The following C9orf72 variants were observed in gnomAD, a reference collection of about 807,000 sequenced individuals.
The protein encoded by C9orf72 is guanine nucleotide exchange factor C9orf72.
Under a neutral mutation model 51.6 loss-of-function variants are expected in C9orf72, and 44 were observed. That is an observed-to-expected ratio of 0.85 (90% CI 0.67 to 1.10). C9orf72 has a LOEUF of 1.10. Among genes scored for constraint, C9orf72 ranks in the 50% least tolerant of loss-of-function variants. The pLI, the probability that C9orf72 is intolerant of heterozygous loss-of-function variation, is 0.00. For missense variants in C9orf72, 607 were observed against 570.6 expected, an observed-to-expected ratio of 1.06 and a Z score of -0.65; for synonymous variants, 213 against 194.2, an observed-to-expected ratio of 1.10 and a Z score of -0.81.
Position 27,567,107 on chromosome 9 carries a change from CAA to C in C9orf72, c.12_13del (p.Cys5ProfsTer35). The C allele has an allele frequency of 1.2e-6, 2 of 1,612,938 alleles. No homozygotes were observed. Among genetic ancestry groups the C allele is most frequent in the South Asian group, 1.1e-5 (1 of 91,068 alleles). On this transcript the variant is annotated frameshift_variant, in exon 2 of 11. Transcript: ENST00000380003. LOFTEE classifies it high-confidence loss of function. ...GGCAACAGCTGGAGATGGCGGTGGGCAAAGAGTCGACATCACTGCATTCCAAC... is the reference window on the plus strand; with the variant it reads ...GGCAACAGCTGGAGATGGCGGTGGGCAGAGTCGACATCACTGCATTCCAAC...
upstream of C9orf72, chr9:27,573,491 C>T (rs1344115229): frequency 6.9e-6 from 1 of 145,352 alleles, no homozygotes; most frequent in East Asian, 2.0e-4. Context: ...CGCAGCCCCG[C>T]CCCGGGCCCG....
At chr9:27,572,077 G>T (rs1819598426) in intron 1 of C9orf72, among the ~76,000 whole-genome samples, 2 of 152,134 alleles carry the variant, frequency 1.3e-5, no homozygotes, top group Admixed American at 6.5e-5. Context: ...AGTCCTCCTT[G>T]GTTTACTTTG....
rs1819351615 is a variant in C9orf72, at chr9:27,561,625, CATCATT to C, written c.619_624del (p.Asn207_Asp208del). On this transcript the variant is annotated inframe_deletion, in exon 5 of 11. Transcript: ENST00000380003. ...TCATGACAGCTGTCACCAATATCAT[CATCATT>C]GAGTACTGTATCAGCTATCTAAAAT... is the stretch of plus-strand genomic sequence containing the variant. The C allele has an allele frequency of 6.2e-7, 1 of 1,609,750 alleles. No homozygotes were observed. Among genetic ancestry groups the C allele is most frequent in the East Asian group, 2.2e-5 (1 of 44,710 alleles).
chr9:27,566,657 T>G lies in C9orf72; in HGVS notation c.444+20A>C. ...TCAACAGATAGGTTAACATGATTAATAAGCTGAAAAATCACTTACCTTATG... is the reference window on the plus strand; with the variant it reads ...TCAACAGATAGGTTAACATGATTAAGAAGCTGAAAAATCACTTACCTTATG... On this transcript the variant is annotated intron_variant, in intron 2 of 10. Coordinates refer to ENST00000380003, the MANE Select transcript of C9orf72 (RefSeq NM_018325.5). The G allele has an allele frequency of 6.5e-7, 1 of 1,531,374 alleles. No homozygotes were observed. Among genetic ancestry groups the G allele is most frequent in the Non-Finnish European group, 8.9e-7 (1 of 1,127,740 alleles). The allele number at this position is 1,531,374 out of a possible 1,614,324, so 94.9% of individuals were successfully genotyped here. A position where few individuals can be genotyped will look rare whatever the true frequency, so the allele number is the denominator to read the frequency against.
chr9:27,568,151 C>G (rs1482408079), intron 1 of C9orf72, among the ~76,000 whole-genome samples: 1 of 142,798 alleles, frequency 7.0e-6, no homozygotes, highest in Non-Finnish European at 1.5e-5. Context: ...AAAAAATGGG[C>G]AAACAGTCCT....
At chr9:27,570,871 G>GA (rs1462066823) in intron 1 of C9orf72, among the ~76,000 whole-genome samples, 2 of 141,764 alleles carry the variant, frequency 1.4e-5, no homozygotes, top group African/African-American at 5.3e-5. Flanking sequence ...TCTGCCTCAA[G>GA]AAAAAAACAA....
At chr9:27,561,684 G>C in intron 4 of C9orf72, 35 bp from the exon 5 acceptor site, 1 of 1,345,048 alleles carries the variant, frequency 7.4e-7, no homozygotes, top group Non-Finnish European at 1.1e-6. Flanking sequence ...AATTAGTCTG[G>C]CTGTAACATA....
Position 27,570,571 on chromosome 9 carries a change from G to GA in C9orf72, c.-45+2859dup, listed in dbSNP as rs1040123831. On this transcript the variant is annotated intron_variant, in intron 1 of 10. Coordinates refer to ENST00000380003, the MANE Select transcript of C9orf72 (RefSeq NM_018325.5). ...TACACTCTCACTCCTAACAGAATAA[G>GA]AAAAAAAAAATGGGCCGGGCATGGT... Among the ~76,000 whole-genome samples, 113 of 148,994 alleles carry GA rather than the reference G, an allele frequency of 7.6e-4. 1 individual carries two copies. The highest frequency in any genetic ancestry group is 2.2e-3 in the African/African-American group (88 of 40,716).
At chr9:27,567,924 A>G (rs1035028247) in intron 1 of C9orf72, among the ~76,000 whole-genome samples, 3 of 152,138 alleles carry the variant, frequency 2.0e-5, no homozygotes, top group Non-Finnish European at 2.9e-5. Flanking sequence ...CTTGAAGATC[A>G]TGCCCCTGTC....
rs753335393 is a variant in C9orf72 at position 27,548,390 on chromosome 9, C to G, written c.1292G>C (p.Arg431Pro). The G allele has an allele frequency of 1.4e-6, 2 of 1,418,798 alleles. No individual in the cohort carries two copies. Among genetic ancestry groups the G allele is most frequent in the South Asian group, 1.2e-5 (1 of 86,856 alleles). 87.9% of individuals were successfully genotyped at this position (1,418,798 alleles called of 1,614,324 possible). A position where few individuals can be genotyped will look rare whatever the true frequency, so the allele number is the denominator to read the frequency against. Reference sequence around the variant, plus strand: ...TAAATCAAGGTCTATCTTCAGGTTCCGAAGAGATTTAAAGGGCTTTTTTCC... The same window carrying G: ...TAAATCAAGGTCTATCTTCAGGTTCGGAAGAGATTTAAAGGGCTTTTTTCC... ...QKGKKPFKSL[R>P]NLKIDLDLTA... Residue 431 changes from arginine (R) to proline (P), a missense_variant, in exon 11 of 11, where the codon CGG becomes CCG. Arg to Pro is a moderately radical substitution (Grantham distance 103, BLOSUM62 -2). Transcript: ENST00000380003.
At chr9:27,560,332 G>C (rs1229207171) in intron 5 of C9orf72, 33 bp from the exon 6 acceptor site, 1 of 1,536,980 alleles carries the variant, frequency 6.5e-7, no homozygotes, top group Non-Finnish European at 8.9e-7. Context: ...TAAAAACATT[G>C]CCTATAAAAC....
rs1487043148 is a variant in C9orf72, at chr9:27,558,553, A to T, written c.793T>A (p.Leu265Ile). The T allele has an allele frequency of 6.2e-7, 1 of 1,609,226 alleles. No individual in the cohort carries two copies. Among genetic ancestry groups the T allele is most frequent in the Non-Finnish European group, 8.5e-7 (1 of 1,178,138 alleles). Reference protein sequence around the residue: ...LTPAERKCSRLCEAESSFKYE... With the variant: ...LTPAERKCSRICEAESSFKYE... ...TTAAATGATGATTCTGCTTCACATA[A>T]CCTGGAGCATTTTCTCTCTGCTGGA... is the stretch of plus-strand genomic sequence containing the variant. The change falls in exon 7 of 11, where the codon TTA (leucine) becomes ATA (isoleucine). Residue 265 changes from leucine to isoleucine, a missense_variant. Transcript: ENST00000380003.
chr9:27,558,358 T>G (rs1413271719), intron 7 of C9orf72, 133 bp downstream of exon 7: 1 of 665,970 alleles, frequency 1.5e-6, no homozygotes, highest in African/African-American at 1.8e-5. Context: ...TGTGCAGAAC[T>G]GTGTAAAGGA....
chr9:27,561,650 C>A lies in C9orf72; in HGVS notation c.601-1G>T, dbSNP rs1235192595. The A allele has an allele frequency of 6.4e-7, 1 of 1,572,854 alleles. No individual in the cohort carries two copies. Among genetic ancestry groups the A allele is most frequent in the African/African-American group, 1.4e-5 (1 of 73,384 alleles). On this transcript the variant is annotated splice_acceptor_variant, in intron 4 of 10. Coordinates refer to ENST00000380003, the MANE Select transcript of C9orf72 (RefSeq NM_018325.5). LOFTEE classifies it high-confidence loss of function. ...CATCATTGAGTACTGTATCAGCTAT[C>A]TAAAATGCATCAAAAAATAAAAAAA...
chr9:27,552,724 T>C lies in C9orf72; in HGVS notation c.1092-2017A>G, dbSNP rs1435217615. ...ACCTTTTCTCTACCTATTGAGATAA[T>C]CTTGTGGTTTTTGTTTTTAGCTCTG... On this transcript the variant is annotated intron_variant, in intron 8 of 10. Coordinates refer to ENST00000380003, the MANE Select transcript of C9orf72 (RefSeq NM_018325.5). Among the ~76,000 whole-genome samples, 3 of 152,114 alleles carry C rather than the reference T, an allele frequency of 2.0e-5. No homozygotes were observed. The East Asian group carries it at 5.8e-4, about 29-fold the overall frequency.
intron 9 of C9orf72, among the ~76,000 whole-genome samples, chr9:27,549,758 TAAAC>T (rs901104337): frequency 7.9e-5 from 11 of 139,414 alleles, no homozygotes; most frequent in African/African-American, 1.3e-4. Flanking sequence ...TTCAGGCAAA[TAAAC>T]AACCTCCCTT....
chr9:27,556,317 A>T, intron 8 of C9orf72: 1 of 559,722 alleles, frequency 1.8e-6, no homozygotes, highest in South Asian at 2.5e-5. Flanking sequence ...CTCAATATAT[A>T]TTTATTAAAC....
intron 8 of C9orf72, 55 bp downstream of exon 8, chr9:27,556,506 A>G: frequency 5.9e-6 from 7 of 1,179,806 alleles, no homozygotes; most frequent in Middle Eastern, 2.0e-4. Context: ...TTATTCGTAA[A>G]AGACACAATT....
intron 6 of C9orf72, chr9:27,558,855 T>C (rs547264552): frequency 9.9e-5 from 34 of 342,574 alleles, no homozygotes; most frequent in South Asian, 7.6e-4. Flanking sequence ...AACATTTGGC[T>C]ACATACTGTG....
Sources: gnomAD v4.1 joint callset for allele counts (sites outside exome capture counted in the v4.1 genomes callset) on GRCh38, gnomAD v4.1.1 for gene constraint, MANE v1.5 for transcripts, NCBI Gene and HGNC (gene_info 2026-07-23, HGNC 2026-07-21) for gene names.